FBN2: variants seen among roughly 807,000 people sequenced by gnomAD.
FBN2 encodes the protein fibrillin-2.
A neutral mutation model predicts 355.6 loss-of-function variants in FBN2; 105 were observed. The ratio of observed to expected loss-of-function variants is 0.30; its 90% CI spans 0.25 to 0.35. The LOEUF is 0.35. FBN2 is among the 10% of genes least tolerant of loss of function. The probability of loss-of-function intolerance (pLI) is 1.00; values close to 1 mark genes in which losing one functional copy is unlikely to be tolerated. For missense variants in FBN2, 3,280 were observed against 3,758.7 expected (o/e 0.87, Z 3.33); for synonymous variants, 1,350 against 1,301.2 (o/e 1.04, Z -0.81).
intron 48 of FBN2, among the ~76,000 whole-genome samples, chr5:128,298,798 C>T (rs887447032): frequency 5.9e-5 from 9 of 152,286 alleles, no homozygotes; most frequent in South Asian, 2.1e-4. Flanking sequence ...TCCCATAGCT[C>T]GGAGTAATTT....
chr5:128,444,651 A>G (rs571546104), intron 7 of FBN2, among the ~76,000 whole-genome samples: 37 of 152,332 alleles, frequency 2.4e-4, no homozygotes, highest in Admixed American at 2.4e-3. Flanking sequence ...GGTGGTGCCT[A>G]CGTGCTATCA....
At chr5:128,327,211 G>A (rs1377863706) in intron 34 of FBN2, among the ~76,000 whole-genome samples, 2 of 152,178 alleles carry the variant, frequency 1.3e-5, no homozygotes, top group African/African-American at 4.8e-5. Context: ...GTGGGTCAAC[G>A]TAGAAGCACG....
intron 6 of FBN2, among the ~76,000 whole-genome samples, chr5:128,458,115 T>G (rs1460439474): frequency 6.6e-6 from 1 of 151,828 alleles, no homozygotes; most frequent in Non-Finnish European, 1.5e-5. Context: ...AATAAAGGGA[T>G]GGAGGAATAT....
intron 5 of FBN2, among the ~76,000 whole-genome samples, chr5:128,500,736 G>A (rs1755788393): frequency 6.6e-6 from 1 of 152,062 alleles, no homozygotes; most frequent in Non-Finnish European, 1.5e-5. Context: ...GAGCCATCGC[G>A]CCCGGCCGAA....
intron 5 of FBN2, among the ~76,000 whole-genome samples, chr5:128,475,963 T>C (rs1229235866): frequency 6.6e-6 from 1 of 152,216 alleles, no homozygotes; most frequent in Non-Finnish European, 1.5e-5. Context: ...ATCTGCCATA[T>C]GAAGACTCGC....
Position 128,434,297 on chromosome 5 carries a change from A to G in FBN2, c.952+12184T>C, listed in dbSNP as rs555527272. 4.0e-5 allele frequency among the ~76,000 whole-genome samples: 6 copies of G among 150,300 alleles called. No individual in the cohort carries two copies. In the East Asian group the frequency reaches 1.2e-3, roughly 29 times the overall value. On this transcript the variant is annotated intron_variant, in intron 7 of 64. Transcript: ENST00000262464. ...CTTTGTTTATTTACATCCTGCCATA[A>G]TATACTCCCAAGGATGCATCTAAAA...
chr5:128,521,681 C>T (rs1177188499), intron 4 of FBN2, among the ~76,000 whole-genome samples: 1 of 152,166 alleles, frequency 6.6e-6, no homozygotes, highest in Non-Finnish European at 1.5e-5. Flanking sequence ...GTCACTTTCC[C>T]ATGTGTTCTC....
intron 1 of FBN2, 119 bp from the exon 2 acceptor site, chr5:128,536,603 T>G: frequency 1.3e-6 from 1 of 754,594 alleles, no homozygotes; most frequent in East Asian, 2.7e-5. Context: ...AAATCAAAAT[T>G]ACACTTCAAA....
chr5:128,451,365 A>C (rs1251199277), intron 6 of FBN2, among the ~76,000 whole-genome samples: 1 of 152,210 alleles, frequency 6.6e-6, no homozygotes, highest in East Asian at 1.9e-4. Flanking sequence ...ATTCTAATTC[A>C]GCACATTTTA....
intron 34 of FBN2, among the ~76,000 whole-genome samples, chr5:128,325,835 T>C (rs1404569670): frequency 6.6e-6 from 1 of 152,166 alleles, no homozygotes; most frequent in Non-Finnish European, 1.5e-5. Flanking sequence ...TCCTCTGTTT[T>C]TTGCTGTTTT....
At chr5:128,327,785 T>A (rs1439070556) in intron 34 of FBN2, among the ~76,000 whole-genome samples, 1 of 152,116 alleles carries the variant, frequency 6.6e-6, no homozygotes, top group Non-Finnish European at 1.5e-5. Flanking sequence ...ATTACAGGCA[T>A]GAGCCACCAT....
intron 6 of FBN2, among the ~76,000 whole-genome samples, chr5:128,453,702 T>C (rs1021408361): frequency 1.3e-5 from 2 of 152,174 alleles, no homozygotes; most frequent in Admixed American, 1.3e-4. Context: ...CATCTCTCAA[T>C]GCAGCCATTT....
chr5:128,360,718 G>A (rs1379558531), intron 19 of FBN2, among the ~76,000 whole-genome samples: 2 of 151,654 alleles, frequency 1.3e-5, no homozygotes, highest in African/African-American at 4.8e-5. Context: ...CTGTTCACAA[G>A]AATGCTTTGA....
intron 36 of FBN2, among the ~76,000 whole-genome samples, chr5:128,314,852 T>C (rs933049474): frequency 6.6e-6 from 1 of 152,200 alleles, no homozygotes; most frequent in Non-Finnish European, 1.5e-5. Context: ...TTTTTATAAC[T>C]TTTCTAGTCA....
At chr5:128,292,596 C>T (rs1371625111) in intron 48 of FBN2, among the ~76,000 whole-genome samples, 1 of 152,084 alleles carries the variant, frequency 6.6e-6, no homozygotes, top group East Asian at 1.9e-4. Flanking sequence ...GAAACCAACA[C>T]CACCGCCACC....
chr5:128,535,961 G>A (rs767839262), intron 2 of FBN2, among the ~76,000 whole-genome samples: 34 of 152,028 alleles, frequency 2.2e-4, no homozygotes, highest in Non-Finnish European at 3.1e-4. Context: ...ATAAGAAAGT[G>A]GTTTTATATA....
intron 11 of FBN2, among the ~76,000 whole-genome samples, chr5:128,381,907 G>C (rs1752244048): frequency 1.3e-5 from 2 of 152,006 alleles, no homozygotes; most frequent in South Asian, 2.1e-4. Flanking sequence ...TTGTAGCCCT[G>C]TACCTAGTTT....
chr5:128,354,976 G>A (rs1413487736), intron 20 of FBN2, among the ~76,000 whole-genome samples: 9 of 152,162 alleles, frequency 5.9e-5, no homozygotes, highest in South Asian at 2.1e-4. Flanking sequence ...AGAGGCTCTC[G>A]AGGATGAGTG....
At position 128,352,456 on chromosome 5, in the gene FBN2, T is replaced by C. The variant is rs115421428; in HGVS notation, c.2675-1451A>G. 9.3e-3 allele frequency among the ~76,000 whole-genome samples: 1,416 copies of C among 152,340 alleles called. 7 individuals are homozygous for C. The highest frequency in any genetic ancestry group is 0.012 in the Non-Finnish European group (800 of 68,026). ...TTTATTTTATGTGGATTAAAGGGAA[T>C]AACGAATGGTTAGTATATTTTTGGT... On this transcript the variant is annotated intron_variant, in intron 20 of 64. Coordinates refer to ENST00000262464, the MANE Select transcript of FBN2 (RefSeq NM_001999.4).
Sources: gnomAD v4.1 joint callset for allele counts (sites outside exome capture counted in the v4.1 genomes callset) on GRCh38, gnomAD v4.1.1 for gene constraint, MANE v1.5 for transcripts, NCBI Gene and HGNC (gene_info 2026-07-23, HGNC 2026-07-21) for gene names.